LRPPRC: variants seen among roughly 807,000 people sequenced by gnomAD.
LRPPRC encodes the protein leucine rich pentatricopeptide repeat containing.
In LRPPRC, 120 loss-of-function variants were observed where a neutral mutation model predicts 180.3. The ratio of observed to expected loss-of-function variants is 0.67; its 90% CI spans 0.57 to 0.77. The LOEUF is 0.77. LRPPRC is among the 30% of genes least tolerant of loss of function. LRPPRC has a pLI of 0.00. For missense variants in LRPPRC, 2,012 were observed against 1,657.2 expected, an observed-to-expected ratio of 1.21 and a Z score of -3.72; for synonymous variants, 723 against 600.0, an observed-to-expected ratio of 1.21 and a Z score of -3.00.
chr2:43,919,068 C>A (rs773988639), intron 27 of LRPPRC, among the ~76,000 whole-genome samples: 5 of 152,016 alleles, frequency 3.3e-5, no homozygotes, highest in Admixed American at 3.3e-4. Flanking sequence ...GGCAAGTGAG[C>A]ATTACCCGCT....
chr2:43,977,977 A>G (rs914574221), intron 3 of LRPPRC, among the ~76,000 whole-genome samples: 24 of 152,154 alleles, frequency 1.6e-4, no homozygotes, highest in African/African-American at 5.3e-4. Context: ...TATGGTTAGT[A>G]TCTGGGGGTG....
At chr2:43,899,648 T>C (rs1449741360) in intron 32 of LRPPRC, 43 bp from the exon 33 acceptor site, 1 of 1,381,704 alleles carries the variant, frequency 7.2e-7, no homozygotes, top group Non-Finnish European at 1.0e-6. Flanking sequence ...TGCTTTTATG[T>C]TAATATTACA....
intron 30 of LRPPRC, among the ~76,000 whole-genome samples, chr2:43,907,714 GA>G (rs1214844999): frequency 2.0e-5 from 3 of 152,022 alleles, no homozygotes; most frequent in African/African-American, 7.2e-5. Context: ...AAAATGAAGG[GA>G]AAAAAATTAT....
At chr2:43,919,161 A>G (rs1220195389) in intron 27 of LRPPRC, among the ~76,000 whole-genome samples, 37 of 152,062 alleles carry the variant, frequency 2.4e-4, no homozygotes, top group Non-Finnish European at 1.5e-5. Flanking sequence ...CATGTGAGGG[A>G]TCTACGTTGT....
intron 1 of LRPPRC, among the ~76,000 whole-genome samples, chr2:43,984,226 T>A (rs1402918189): frequency 6.6e-6 from 1 of 152,150 alleles, no homozygotes; most frequent in Non-Finnish European, 1.5e-5. Context: ...TGGAGGAGTA[T>A]GCAATAATAT....
At chr2:43,904,708 A>C (rs756909899) in intron 31 of LRPPRC, 10,382 of 91,328 alleles carry the variant, frequency 0.11, 503 homozygotes, top group Middle Eastern at 0.17. Context: ...AAACAAAAAC[A>C]AAAAAAAAAA....
intron 19 of LRPPRC, 126 bp downstream of exon 19, chr2:43,947,605 C>G (rs182350208): frequency 8.5e-6 from 6 of 706,268 alleles, no homozygotes; most frequent in African/African-American, 1.8e-5. Flanking sequence ...CAGGTTTTAC[C>G]AACTTCTTAG....
intron 1 of LRPPRC, among the ~76,000 whole-genome samples, chr2:43,991,021 T>C (rs542678335): frequency 2.7e-4 from 40 of 148,356 alleles, no homozygotes; most frequent in Non-Finnish European, 1.0e-4. Context: ...AACTTATGTA[T>C]AGATACTTTT....
chr2:43,947,322 T>C lies in LRPPRC; in HGVS notation c.2014A>G (p.Lys672Glu), dbSNP rs772525683. 1.2e-6 allele frequency: 2 copies of C among 1,608,058 alleles called. No individual in the cohort carries two copies. Among genetic ancestry groups the C allele is most frequent in the Non-Finnish European group, 1.7e-6 (2 of 1,175,404 alleles). Reference protein sequence around the residue: ...SELESTLETLKAENQPIRDVL... With the variant: ...SELESTLETLEAENQPIRDVL... ...TCTCTTATAGGTTGATTTTCAGCTT[T>C]TAGTGTTTCAAGTGTGGACTCCAAT... The change falls in exon 20 of 38, where the codon AAA becomes GAA. Residue 672 changes from lysine (K) to glutamate (E), a missense_variant. Coordinates refer to ENST00000260665, the MANE Select transcript of LRPPRC (RefSeq NM_133259.4).
chr2:43,953,014 T>C (rs1331054415), intron 14 of LRPPRC, among the ~76,000 whole-genome samples: 1 of 152,214 alleles, frequency 6.6e-6, no homozygotes. Flanking sequence ...CTTGTAATTA[T>C]TTCATAGTTT....
intron 1 of LRPPRC, among the ~76,000 whole-genome samples, chr2:43,988,938 T>C (rs1271858530): frequency 3.3e-5 from 5 of 152,162 alleles, no homozygotes; most frequent in South Asian, 2.1e-4. Flanking sequence ...GGTGCAATTA[T>C]GGCTCACTGC....
intron 19 of LRPPRC, 144 bp from the exon 20 acceptor site, chr2:43,947,514 T>G: frequency 1.5e-6 from 1 of 657,770 alleles, no homozygotes; most frequent in South Asian, 1.8e-5. Context: ...GGGGAATCCA[T>G]GGATGGACTC....
Position 43,932,155 on chromosome 2 carries a change from A to G in LRPPRC, c.2736+2035T>C, listed in dbSNP as rs745895528. 9.8e-4 allele frequency among the ~76,000 whole-genome samples: 139 copies of G among 141,966 alleles called. 2 individuals are homozygous for G. Among genetic ancestry groups the G allele is most frequent in the Non-Finnish European group, 1.9e-3 (121 of 64,888 alleles). 93.1% of individuals were successfully genotyped at this position (141,966 alleles called of 152,430 possible). A position where few individuals can be genotyped will look rare whatever the true frequency, so the allele number is the denominator to read the frequency against. On this transcript the variant is annotated intron_variant, in intron 25 of 37. Coordinates refer to ENST00000260665, the MANE Select transcript of LRPPRC (RefSeq NM_133259.4). ...AAAAAAAAAAAAAAAAAAAAAAAAG[A>G]CTGGAGACTGTCAAATATACTACAT... is the stretch of plus-strand genomic sequence containing the variant.
intron 6 of LRPPRC, among the ~76,000 whole-genome samples, chr2:43,975,858 C>A (rs1488338027): frequency 6.6e-6 from 1 of 152,146 alleles, no homozygotes; most frequent in Non-Finnish European, 1.5e-5. Context: ...GCTGGGATTA[C>A]AGGCATGAGC....
chr2:43,923,700 T>G (rs1385671485), intron 27 of LRPPRC, among the ~76,000 whole-genome samples: 2 of 151,420 alleles, frequency 1.3e-5, no homozygotes, highest in Admixed American at 1.3e-4. Context: ...AAGGGCTTCA[T>G]AGTTTTTTTT....
intron 27 of LRPPRC, among the ~76,000 whole-genome samples, chr2:43,919,103 C>A (rs973058734): frequency 2.0e-5 from 3 of 152,020 alleles, no homozygotes; most frequent in Non-Finnish European, 4.4e-5. Context: ...GTCAGATCAG[C>A]GGCAGCATTA....
rs1002543729 is a variant in LRPPRC, at chr2:43,983,557, T to C, written c.150-1123A>G. ...TTTCTCTGCATTTAAACATCACTTT[T>C]AACAAATGATTTCTAATTATCAGTG... On this transcript the variant is annotated intron_variant, in intron 1 of 37. Coordinates refer to ENST00000260665, the MANE Select transcript of LRPPRC (RefSeq NM_133259.4). 1.4e-4 allele frequency among the ~76,000 whole-genome samples: 22 copies of C among 152,176 alleles called. 1 individual carries two copies. The highest frequency in any genetic ancestry group is 3.1e-4 in the Non-Finnish European group (21 of 67,988).
chr2:43,945,257 A>T, intron 22 of LRPPRC, 75 bp downstream of exon 22: 1 of 999,030 alleles, frequency 1.0e-6, no homozygotes, highest in Non-Finnish European at 1.6e-6. Flanking sequence ...CATGATATCC[A>T]TTAATATCAA....
At position 43,886,880 on chromosome 2, in the gene LRPPRC, C is replaced by A. The variant is rs1483592475; in HGVS notation, c.*1720G>T. 1 of 152,202 alleles carries A rather than the reference C, an allele frequency of 6.6e-6. No homozygotes were observed. The highest frequency in any genetic ancestry group is 1.5e-5 in the Non-Finnish European group (1 of 68,118). 9.4% of individuals were successfully genotyped at this position (152,202 alleles called of 1,614,324 possible). The stretch of plus-strand genomic sequence containing the variant: ...TCTTGGCCAGGCGTGGTGGCTCACA[C>A]CTGTAATCCCAGCACTTTGGGAGGC... On this transcript the variant is annotated 3_prime_UTR_variant, in exon 38 of 38. Coordinates refer to ENST00000260665, the MANE Select transcript of LRPPRC (RefSeq NM_133259.4).
Sources: gnomAD v4.1 joint callset for allele counts (sites outside exome capture counted in the v4.1 genomes callset) on GRCh38, gnomAD v4.1.1 for gene constraint, MANE v1.5 for transcripts, NCBI Gene and HGNC (gene_info 2026-07-23, HGNC 2026-07-21) for gene names.